Variants in SMCO3 observed in about 807,000 individuals in gnomAD.
SMCO3 encodes single-pass membrane and coiled-coil domain-containing protein 3.
A neutral mutation model predicts 12.0 loss-of-function variants in SMCO3; 6 were observed. The observed-to-expected ratio is 0.50, with a 90% CI of 0.27 to 0.99. The LOEUF (loss-of-function observed/expected upper bound fraction) is 0.99, where lower values mean the gene tolerates loss of function less well. Among genes scored for constraint, SMCO3 ranks in the 50% least tolerant of loss-of-function variants. The pLI, the probability that SMCO3 is intolerant of heterozygous loss-of-function variation, is 0.11. For synonymous variants in SMCO3, 96 were observed against 96.4 expected, an observed-to-expected ratio of 1.00 and a Z score of 0.02; for missense variants, 279 against 265.0, an observed-to-expected ratio of 1.05 and a Z score of -0.37.
At position 14,805,985 on chromosome 12, in the gene SMCO3, G is replaced by A; in HGVS notation, c.*18C>T. 1 of 1,579,268 alleles carries A rather than the reference G, an allele frequency of 6.3e-7. No individual in the cohort carries two copies. The highest frequency in any genetic ancestry group is 8.6e-7 in the Non-Finnish European group (1 of 1,162,206). On this transcript the variant is annotated 3_prime_UTR_variant, in exon 2 of 2. Transcript: ENST00000316048. ...AAAGGAAGCAGAAAAACACTTCAGT[G>A]GCAAATAAAACGGCTGTTCATTTCA... is the stretch of plus-strand genomic sequence containing the variant.
At chr12:14,814,083 A>T (rs1950182246) in intron 1 of SMCO3, 43 bp downstream of exon 1, 1 of 152,224 alleles carries the variant, frequency 6.6e-6, no homozygotes, top group Admixed American at 6.5e-5. Context: ...ACTGAGAAAC[A>T]GAGTATTATA....
At chr12:14,812,357 T>C (rs1950153899) in intron 1 of SMCO3, among the ~76,000 whole-genome samples, 1 of 151,754 alleles carries the variant, frequency 6.6e-6, no homozygotes, top group Non-Finnish European at 1.5e-5. Context: ...GGCAGGAGAA[T>C]GGCATGAGCC....
chr12:14,811,804 G>A (rs1471966173), intron 1 of SMCO3, among the ~76,000 whole-genome samples: 2 of 152,180 alleles, frequency 1.3e-5, no homozygotes, highest in African/African-American at 2.4e-5. Context: ...ACAGTAGTGC[G>A]TTGACTGTCA....
chr12:14,806,499 G>A lies in SMCO3; in HGVS notation c.182C>T (p.Thr61Ile), dbSNP rs267603396. 1.2e-6 allele frequency: 2 copies of A among 1,614,010 alleles called. No homozygotes were observed. The highest frequency in any genetic ancestry group is 1.7e-6 in the Non-Finnish European group (2 of 1,179,992). Residue 61 changes from threonine (T) to isoleucine (I), a missense_variant, in exon 2 of 2, where the codon ACC (threonine) becomes ATC (isoleucine). Thr to Ile is a moderately conservative substitution (Grantham distance 89). Transcript: ENST00000316048. ...LASIEMKRDG[T>I]IKENCDLIIQ... is the part of the protein sequence containing the mutation. ...GATGAGGTCACAGTTTTCTTTGATG[G>A]TCCCATCTCTTTTCATCTCAATGGA...
In SMCO3 at chr12:14,806,064, G is replaced by A. The variant is rs1195116962; in HGVS notation, c.617C>T (p.Ser206Leu). ...AGTAATGGCATGATTATATTTTTCT[G>A]AGGCTGATTTGAACTCCACCAGATG... ...EKHLVEFKSASEKYNHAITEV... is the reference protein window; with the variant it reads ...EKHLVEFKSALEKYNHAITEV... Residue 206 changes from serine to leucine, a missense_variant, in exon 2 of 2, where the codon TCA becomes TTA. Physicochemically the swap from Ser to Leu is moderately radical, Grantham distance 145. Coordinates refer to ENST00000316048, the MANE Select transcript of SMCO3 (RefSeq NM_001013698.2). 2 of 1,614,138 alleles carry A rather than the reference G, an allele frequency of 1.2e-6. No homozygotes were observed. Among genetic ancestry groups the A allele is most frequent in the African/African-American group, 2.7e-5 (2 of 75,032 alleles).
At position 14,806,303 on chromosome 12, in the gene SMCO3, A is replaced by G; in HGVS notation, c.378T>C (p.Ser126=). The G allele has an allele frequency of 6.2e-7, 1 of 1,614,236 alleles. No homozygotes were observed. Among genetic ancestry groups the G allele is most frequent in the Non-Finnish European group, 8.5e-7 (1 of 1,180,036 alleles). Residue 126 remains serine, a synonymous_variant, in exon 2 of 2, where the codon TCT becomes TCC. Coordinates refer to ENST00000316048, the MANE Select transcript of SMCO3 (RefSeq NM_001013698.2). ...GTTTAACAGCGACTGCACTGGCTGCAGATGTAGCTTCTCCCAGGATGACCG... is the reference window on the plus strand; with the variant it reads ...GTTTAACAGCGACTGCACTGGCTGCGGATGTAGCTTCTCCCAGGATGACCG... ...VISVILGEAT[S]AASAVAVKLV... is the part of the protein sequence containing the mutation.
At chr12:14,809,034 A>T (rs1950097303) in intron 1 of SMCO3, among the ~76,000 whole-genome samples, 1 of 152,194 alleles carries the variant, frequency 6.6e-6, no homozygotes, top group African/African-American at 2.4e-5. Context: ...AGATCTTATT[A>T]TGAAGTGAAA....
intron 1 of SMCO3, among the ~76,000 whole-genome samples, chr12:14,809,993 C>T (rs753519722): frequency 6.6e-6 from 1 of 152,210 alleles, no homozygotes; most frequent in Admixed American, 6.5e-5. Flanking sequence ...TAGTCTTGCT[C>T]TTGCACTTGC....
Position 14,806,633 on chromosome 12 carries a change from T to C in SMCO3, c.48A>G (p.Glu16=). 6.2e-7 allele frequency: 1 copy of C among 1,611,346 alleles called. No individual in the cohort carries two copies. Among genetic ancestry groups the C allele is most frequent in the Middle Eastern group, 1.7e-4 (1 of 6,050 alleles). The change falls in exon 2 of 2, where the codon GAA becomes GAG. Residue 16 remains glutamate, a synonymous_variant. Transcript: ENST00000316048. ...FLYPENPKRR[E]EVNRLHQQLL... is the part of the protein sequence containing the mutation. ...GCTGCTGGTGAAGACGATTTACTTC[T>C]TCCCGCCTTTTTGGGTTCTCTGGGT...
intron 1 of SMCO3, among the ~76,000 whole-genome samples, chr12:14,809,132 C>G (rs1188072005): frequency 6.6e-6 from 1 of 152,048 alleles, no homozygotes; most frequent in Non-Finnish European, 1.5e-5. Context: ...TGAAAAAGTT[C>G]AAAATATCTC....
chr12:14,807,638 A>AT (rs1950073728), intron 1 of SMCO3, among the ~76,000 whole-genome samples: 1 of 152,116 alleles, frequency 6.6e-6, no homozygotes, highest in African/African-American at 2.4e-5. Context: ...TCTTTAACAA[A>AT]TTTTTTCTTG....
intron 1 of SMCO3, among the ~76,000 whole-genome samples, chr12:14,812,570 C>T (rs1167671925): frequency 6.6e-6 from 1 of 151,912 alleles, no homozygotes; most frequent in Non-Finnish European, 1.5e-5. Flanking sequence ...GATTTTTTTT[C>T]CTCCATTATC....
chr12:14,809,717 A>T (rs1192886114), intron 1 of SMCO3, among the ~76,000 whole-genome samples: 1 of 151,812 alleles, frequency 6.6e-6, no homozygotes, highest in African/African-American at 2.4e-5. Flanking sequence ...AAAACCAATA[A>T]AAAAAAAGCA....
intron 1 of SMCO3, among the ~76,000 whole-genome samples, chr12:14,812,637 A>G (rs1950159124): frequency 6.6e-6 from 1 of 152,148 alleles, no homozygotes; most frequent in Admixed American, 6.5e-5. Context: ...TGGCATAAGT[A>G]ATGGGAATTA....
chr12:14,810,004 G>C (rs146105816), intron 1 of SMCO3, among the ~76,000 whole-genome samples: 5 of 152,144 alleles, frequency 3.3e-5, no homozygotes, highest in African/African-American at 1.2e-4. Flanking sequence ...TTGCACTTGC[G>C]CTTAGACTCT....
At chr12:14,812,982 A>T (rs1950164025) in intron 1 of SMCO3, among the ~76,000 whole-genome samples, 1 of 152,194 alleles carries the variant, frequency 6.6e-6, no homozygotes, top group Admixed American at 6.5e-5. Context: ...TACATACTGA[A>T]AACATTTAAG....
At chr12:14,809,055 CT>C (rs1283060927) in intron 1 of SMCO3, among the ~76,000 whole-genome samples, 1 of 152,158 alleles carries the variant, frequency 6.6e-6, no homozygotes, top group African/African-American at 2.4e-5. Flanking sequence ...ACTCTAGTTT[CT>C]GACTGACAGG....
intron 1 of SMCO3, among the ~76,000 whole-genome samples, chr12:14,807,902 AG>A (rs1950078116): frequency 6.6e-6 from 1 of 152,356 alleles, no homozygotes; most frequent in East Asian, 1.9e-4. Context: ...ATGGTGGCTC[AG>A]GCCTGTAATC....
chr12:14,807,151 A>G (rs1168263223), intron 1 of SMCO3, among the ~76,000 whole-genome samples: 1 of 152,154 alleles, frequency 6.6e-6, no homozygotes, highest in East Asian at 1.9e-4. Context: ...TCTTTAAAAC[A>G]GTTATTTTTA....
Sources: gnomAD v4.1 joint callset for allele counts (sites outside exome capture counted in the v4.1 genomes callset) on GRCh38, gnomAD v4.1.1 for gene constraint, MANE v1.5 for transcripts, NCBI Gene and HGNC (gene_info 2026-07-23, HGNC 2026-07-21) for gene names.